ARHGAP22: variants seen among roughly 807,000 people sequenced by gnomAD.
ARHGAP22 encodes the protein Rho GTPase activating protein 22, also known as rho GTPase-activating protein 22.
Under a neutral mutation model 59.1 loss-of-function variants are expected in ARHGAP22, and 48 were observed. The observed-to-expected ratio is 0.81, with a 90% CI of 0.64 to 1.03. The LOEUF is 1.03. ARHGAP22 is among the 50% of genes least tolerant of loss of function. The pLI is 0.00. For missense variants in ARHGAP22, 1,015 were observed against 958.7 expected (o/e 1.06, Z -0.78); for synonymous variants, 445 against 416.4 (o/e 1.07, Z -0.84).
At chr10:48,509,232 C>A (rs923229840) in intron 3 of ARHGAP22, among the ~76,000 whole-genome samples, 1 of 152,156 alleles carries the variant, frequency 6.6e-6, no homozygotes, top group Non-Finnish European at 1.5e-5. Flanking sequence ...GCGAGCCTGG[C>A]GCAGGATGTG....
At chr10:48,479,573 AGGG>A in intron 4 of ARHGAP22, 60 bp downstream of exon 4, 1 of 1,612,648 alleles carries the variant, frequency 6.2e-7, no homozygotes. Context: ...CAGGACAGGC[AGGG>A]GGCATGATTA....
rs1027087479 is a variant in ARHGAP22, at chr10:48,481,014, G to T, written c.323-1250C>A. Among the ~76,000 whole-genome samples the T allele has an allele frequency of 2.0e-5, 3 of 152,368 alleles. No homozygotes were observed. In the South Asian group the frequency reaches 6.2e-4, roughly 32 times the overall value. On this transcript the variant is annotated intron_variant, in intron 3 of 9. Coordinates refer to ENST00000249601, the MANE Select transcript of ARHGAP22 (RefSeq NM_021226.4). ...GGGAGGCAGGGGGAGAGGCCGTGGGGCCCAACGCTCAGGAGGGTGAGGAGC... is the reference window on the plus strand; with the variant it reads ...GGGAGGCAGGGGGAGAGGCCGTGGGTCCCAACGCTCAGGAGGGTGAGGAGC...
intron 3 of ARHGAP22, among the ~76,000 whole-genome samples, chr10:48,499,831 A>C (rs956603472): frequency 6.6e-6 from 1 of 152,248 alleles, no homozygotes; most frequent in African/African-American, 2.4e-5. Context: ...AGAAACAGAA[A>C]TGCATTCTAT....
intron 4 of ARHGAP22, among the ~76,000 whole-genome samples, chr10:48,477,612 A>G (rs1282759674): frequency 3.3e-5 from 5 of 152,240 alleles, no homozygotes; most frequent in African/African-American, 1.2e-4. Context: ...GCAAGTTTCT[A>G]TAGCTTTCTA....
intron 1 of ARHGAP22, among the ~76,000 whole-genome samples, chr10:48,610,348 C>A (rs776765984): frequency 6.6e-6 from 1 of 152,072 alleles, no homozygotes; most frequent in Non-Finnish European, 1.5e-5. Flanking sequence ...GAGTTCAGAC[C>A]GGAGCACAGA....
chr10:48,495,468 C>T (rs577086372), intron 3 of ARHGAP22, among the ~76,000 whole-genome samples: 4 of 152,302 alleles, frequency 2.6e-5, no homozygotes, highest in Admixed American at 6.5e-5. Context: ...TTCCCAACTG[C>T]CCCCGGTCAC....
intron 1 of ARHGAP22, among the ~76,000 whole-genome samples, chr10:48,612,064 G>A (rs940552358): frequency 1.1e-4 from 16 of 150,860 alleles, no homozygotes; most frequent in Admixed American, 1.3e-4. Flanking sequence ...CTCATGATCC[G>A]CCTGCCTTGG....
chr10:48,486,481 C>T (rs2049873488), intron 3 of ARHGAP22, among the ~76,000 whole-genome samples: 1 of 152,054 alleles, frequency 6.6e-6, no homozygotes, highest in African/African-American at 2.4e-5. Flanking sequence ...GCTGGGATTA[C>T]AGGCACGCAC....
intron 3 of ARHGAP22, among the ~76,000 whole-genome samples, chr10:48,503,569 T>G (rs1314273806): frequency 6.6e-6 from 1 of 152,210 alleles, no homozygotes; most frequent in Non-Finnish European, 1.5e-5. Flanking sequence ...TTTGTGAAGC[T>G]CCTCTCCCAG....
At chr10:48,652,773 GA>G (rs1031790429), upstream of ARHGAP22, among the ~76,000 whole-genome samples, 5 of 152,160 alleles carry the variant, frequency 3.3e-5, no homozygotes, top group African/African-American at 1.2e-4. Flanking sequence ...TGACTTCCAG[GA>G]TGCATTTATG....
chr10:48,491,614 G>C (rs1406783131), intron 3 of ARHGAP22, among the ~76,000 whole-genome samples: 1 of 152,268 alleles, frequency 6.6e-6, no homozygotes, highest in East Asian at 1.9e-4. Context: ...GAGAGGACAC[G>C]CACTGAGCCT....
At chr10:48,516,629 C>T (rs115431933) in intron 3 of ARHGAP22, among the ~76,000 whole-genome samples, 6,243 of 152,178 alleles carry the variant, frequency 0.041, 430 homozygotes, top group African/African-American at 0.14. Flanking sequence ...CACAAACTAC[C>T]AAAACCAACT....
intron 2 of ARHGAP22, among the ~76,000 whole-genome samples, chr10:48,572,302 T>G (rs577998792): frequency 7.9e-5 from 12 of 152,330 alleles, no homozygotes; most frequent in African/African-American, 2.6e-4. Context: ...AAGAAACAAG[T>G]GCTAAAACAA....
intron 3 of ARHGAP22, among the ~76,000 whole-genome samples, chr10:48,537,857 A>G (rs1209250887): frequency 6.6e-6 from 1 of 152,204 alleles, no homozygotes; most frequent in East Asian, 1.9e-4. Context: ...GAGGGGGTGC[A>G]GGAAGATGGG....
chr10:48,573,207 G>A (rs1483665033), intron 2 of ARHGAP22, among the ~76,000 whole-genome samples: 1 of 152,150 alleles, frequency 6.6e-6, no homozygotes, highest in African/African-American at 2.4e-5. Flanking sequence ...CCTTCATAGG[G>A]TAAAGTTCCA....
chr10:48,453,260 G>T (rs771083936), intron 8 of ARHGAP22, 44 bp downstream of exon 8: 1 of 1,610,234 alleles, frequency 6.2e-7, no homozygotes, highest in Non-Finnish European at 8.5e-7. Context: ...GATGAGCCCA[G>T]ACCCCGGCAG....
At chr10:48,636,552 C>T (rs1163834898) in intron 1 of ARHGAP22, among the ~76,000 whole-genome samples, 2 of 152,206 alleles carry the variant, frequency 1.3e-5, no homozygotes, top group Admixed American at 6.5e-5. Flanking sequence ...TTTCTTGCTG[C>T]TCCTTGTACC....
intron 1 of ARHGAP22, among the ~76,000 whole-genome samples, chr10:48,640,378 T>C (rs987343810): frequency 1.3e-5 from 2 of 152,212 alleles, no homozygotes; most frequent in Non-Finnish European, 2.9e-5. Context: ...TGTATAATTA[T>C]CTCAAAGAAT....
intron 3 of ARHGAP22, among the ~76,000 whole-genome samples, chr10:48,527,684 G>T (rs1432842930): frequency 6.6e-6 from 1 of 152,202 alleles, no homozygotes; most frequent in Non-Finnish European, 1.5e-5. Context: ...ACTTAGCATA[G>T]AATTTGTCTG....
Sources: allele counts gnomAD v4.1 joint callset (sites outside exome capture counted in the v4.1 genomes callset), GRCh38; gene constraint gnomAD v4.1.1; transcripts MANE v1.5; gene names NCBI Gene and HGNC (gene_info 2026-07-23, HGNC 2026-07-21).